ERP27: variants seen among roughly 807,000 people sequenced by gnomAD.
The protein encoded by ERP27 is endoplasmic reticulum resident protein 27.
Under a neutral mutation model 27.7 loss-of-function variants are expected in ERP27, and 23 were observed. That is an observed-to-expected ratio of 0.83 (90% CI 0.60 to 1.18). The LOEUF (loss-of-function observed/expected upper bound fraction) is 1.18, where lower values mean the gene tolerates loss of function less well. ERP27 is among the 50% of genes most tolerant of loss of function. The pLI, the probability that ERP27 is intolerant of heterozygous loss-of-function variation, is 0.00. For missense variants in ERP27, 363 were observed against 327.9 expected, an observed-to-expected ratio of 1.11 and a Z score of -0.83; for synonymous variants, 159 against 118.3, an observed-to-expected ratio of 1.34 and a Z score of -2.23.
At chr12:14,933,392 C>G (rs1863726493) in intron 3 of ERP27, among the ~76,000 whole-genome samples, 1 of 152,012 alleles carries the variant, frequency 6.6e-6, no homozygotes, top group African/African-American at 2.4e-5. Flanking sequence ...TCATACATGA[C>G]AGAAATGTTG....
chr12:14,923,087 A>G (rs1863534145), intron 3 of ERP27, among the ~76,000 whole-genome samples: 1 of 152,058 alleles, frequency 6.6e-6, no homozygotes, highest in Admixed American at 6.6e-5. Context: ...AAAAAAAAAA[A>G]AAAAATGCTA....
intron 3 of ERP27, among the ~76,000 whole-genome samples, chr12:14,921,968 G>A (rs1051910167): frequency 3.9e-5 from 6 of 152,076 alleles, no homozygotes; most frequent in East Asian, 1.9e-4. Flanking sequence ...AGTCATTTAT[G>A]TTATTGCATG....
chr12:14,921,215 A>G (rs1437590230), intron 3 of ERP27, among the ~76,000 whole-genome samples, 167 bp from the exon 4 acceptor site: 1 of 152,186 alleles, frequency 6.6e-6, no homozygotes, highest in Non-Finnish European at 1.5e-5. Context: ...TAGACTCCAA[A>G]AAAGTGAAGA....
intron 3 of ERP27, among the ~76,000 whole-genome samples, chr12:14,931,363 CAAA>C (rs60215173): frequency 6.2e-5 from 8 of 129,432 alleles, no homozygotes; most frequent in South Asian, 2.4e-4. Context: ...GTTCCCTTTT[CAAA>C]AAAAAAAAAA....
At chr12:14,928,719 A>G (rs1294813904) in intron 3 of ERP27, among the ~76,000 whole-genome samples, 1 of 152,236 alleles carries the variant, frequency 6.6e-6, no homozygotes, top group African/African-American at 2.4e-5. Context: ...CTCCTTGTGT[A>G]TATTTAATTG....
chr12:14,932,817 T>C (rs1235034512), intron 3 of ERP27, among the ~76,000 whole-genome samples: 2 of 152,294 alleles, frequency 1.3e-5, no homozygotes, highest in East Asian at 1.9e-4. Flanking sequence ...AGATAGAAGA[T>C]ACAACTGGCA....
intron 3 of ERP27, 97 bp downstream of exon 3, chr12:14,934,759 G>A: frequency 2.1e-6 from 3 of 1,436,582 alleles, no homozygotes; most frequent in Non-Finnish European, 2.9e-6. Flanking sequence ...ACCATCATTA[G>A]TGTAAAAGAC....
intron 3 of ERP27, chr12:14,928,965 T>C (rs1240103805): frequency 2.1e-5 from 33 of 1,535,202 alleles, no homozygotes; most frequent in Non-Finnish European, 2.9e-5. Flanking sequence ...AGCTGGCAAG[T>C]CTCCTTCATA....
At chr12:14,915,372 T>G (rs1863391816) in intron 6 of ERP27, 117 bp downstream of exon 6, 1 of 949,576 alleles carries the variant, frequency 1.1e-6, no homozygotes, top group Non-Finnish European at 1.6e-6. Context: ...GCACTTGGTA[T>G]CCATTAACCA....
At chr12:14,929,025 A>G (rs1290898668) in intron 3 of ERP27, 5 of 1,535,110 alleles carry the variant, frequency 3.3e-6, no homozygotes, top group Non-Finnish European at 8.7e-7. Context: ...TTATCATCAT[A>G]ATCAGGACTC....
Position 14,925,538 on chromosome 12 carries a change from C to T in ERP27, c.334-4490G>A, listed in dbSNP as rs556571428. ...TTTTTGTTCTTAATTCTTCTCTAAACTATTAGTTATTTAGAAGTGTATTTC... is the reference window on the plus strand; with the variant it reads ...TTTTTGTTCTTAATTCTTCTCTAAATTATTAGTTATTTAGAAGTGTATTTC... On this transcript the variant is annotated intron_variant, in intron 3 of 6. Transcript: ENST00000266397. Among the ~76,000 whole-genome samples, 151 of 152,036 alleles carry T rather than the reference C, an allele frequency of 9.9e-4. 4 individuals are homozygous for T. In the South Asian group the frequency reaches 0.031, roughly 31 times the overall value.
chr12:14,937,828 G>C (rs3748296), intron 2 of ERP27, 124 bp downstream of exon 2: 239,832 of 690,494 alleles, frequency 0.35, 43,285 homozygotes, highest in Middle Eastern at 0.41. Context: ...AATCAAACTG[G>C]GTGGCTGTCT....
In ERP27 at chr12:14,931,363, C is replaced by CAAA. The variant is rs60215173; in HGVS notation, c.333+3490_333+3492dup. 6.3e-4 allele frequency among the ~76,000 whole-genome samples: 82 copies of CAAA among 129,398 alleles called. 1 individual carries two copies. Among genetic ancestry groups the CAAA allele is most frequent in the African/African-American group, 1.5e-3 (52 of 34,176 alleles). 84.9% of individuals were successfully genotyped at this position (129,398 alleles called of 152,430 possible). On this transcript the variant is annotated intron_variant, in intron 3 of 6. Transcript: ENST00000266397. Reference sequence around the variant, plus strand: ...ATAGTCTTGGTTGATGTTCCCTTTTCAAAAAAAAAAAAAAAAAAGTGCTCC... The same window carrying CAAA: ...ATAGTCTTGGTTGATGTTCCCTTTTCAAAAAAAAAAAAAAAAAAAAAGTGCTCC...
chr12:14,914,737 A>G lies in ERP27; in HGVS notation c.820T>C (p.Ter274ArgextTer32). 6.2e-7 allele frequency: 1 copy of G among 1,613,278 alleles called. No homozygotes were observed. The highest frequency in any genetic ancestry group is 1.7e-4 in the Middle Eastern group (1 of 6,056). ...CCATATGTAGTTCCAAGGAGAAGTC[A>G]GAGTTCCACCTTTGGAGTCTTTCCT... ...SEGKTPKVEL* is the reference protein window; with the variant it reads ...SEGKTPKVELR The change falls in exon 7 of 7, where the codon TGA (stop) becomes CGA (arginine). Residue 274 changes from the stop codon to arginine (R), a stop_lost. Coordinates refer to ENST00000266397, the MANE Select transcript of ERP27 (RefSeq NM_152321.4).
chr12:14,937,838 T>C, intron 2 of ERP27, 114 bp downstream of exon 2: 1 of 769,342 alleles, frequency 1.3e-6, no homozygotes, highest in Non-Finnish European at 2.2e-6. Flanking sequence ...GGTGGCTGTC[T>C]CCCTTTACCC....
rs184770554 is a variant in ERP27 at position 14,937,651 on chromosome 12, G to A, written c.195+301C>T. 4.9e-4 allele frequency among the ~76,000 whole-genome samples: 75 copies of A among 152,282 alleles called. 1 individual carries two copies. The highest frequency in any genetic ancestry group is 1.8e-3 in the African/African-American group (73 of 41,552). ...ACCAAATGTGTTTAGGACAATGGTGGGGTTCCATGAAGGCATTCTTTCTGC... is the reference window on the plus strand; with the variant it reads ...ACCAAATGTGTTTAGGACAATGGTGAGGTTCCATGAAGGCATTCTTTCTGC... On this transcript the variant is annotated intron_variant, in intron 2 of 6. Transcript: ENST00000266397.
At chr12:14,921,524 G>C (rs1302275822) in intron 3 of ERP27, among the ~76,000 whole-genome samples, 4 of 152,306 alleles carry the variant, frequency 2.6e-5, no homozygotes, top group African/African-American at 9.6e-5. Flanking sequence ...ATTTGGAAGT[G>C]TTCTGAAGCC....
At position 14,914,577 on chromosome 12, in the gene ERP27, TGCGTGTGTGTGTGCACGC is replaced by T. The variant is rs1863376701; in HGVS notation, c.*140_*157del. The T allele has an allele frequency of 1.8e-6, 1 of 541,918 alleles. No individual in the cohort carries two copies. The highest frequency in any genetic ancestry group is 3.3e-6 in the Non-Finnish European group (1 of 307,140). The allele number at this position is 541,918 out of a possible 1,614,324, so 33.6% of individuals were successfully genotyped here. A position where few individuals can be genotyped will look rare whatever the true frequency, so the allele number is the denominator to read the frequency against. On this transcript the variant is annotated 3_prime_UTR_variant, in exon 7 of 7. Transcript: ENST00000266397. ...GAAGCTCTGTGTGTGTGTGTGTGTG[TGCGTGTGTGTGTGCACGC>T]GTGCGTGCGTGTGTGCACGTGCGTG...
At chr12:14,937,284 T>C (rs1026144789) in intron 2 of ERP27, among the ~76,000 whole-genome samples, 2 of 151,570 alleles carry the variant, frequency 1.3e-5, no homozygotes, top group African/African-American at 4.9e-5. Flanking sequence ...TATGAGAGAG[T>C]AGGGGCTTGA....
Sources: allele counts gnomAD v4.1 joint callset (sites outside exome capture counted in the v4.1 genomes callset), GRCh38; gene constraint gnomAD v4.1.1; transcripts MANE v1.5; gene names NCBI Gene and HGNC (gene_info 2026-07-23, HGNC 2026-07-21).